FAM200B: variants seen among roughly 807,000 people sequenced by gnomAD.
The protein encoded by FAM200B is zinc finger BED-type containing 11.
A neutral mutation model predicts 33.1 loss-of-function variants in FAM200B; 32 were observed. That is an observed-to-expected ratio of 0.97 (90% confidence interval 0.73 to 1.30). FAM200B has a LOEUF of 1.30. FAM200B is among the 50% of genes most tolerant of loss of function. The probability of loss-of-function intolerance (pLI) is 0.00; values close to 1 mark genes in which losing one functional copy is unlikely to be tolerated. For synonymous variants in FAM200B, 240 were observed against 264.8 expected (o/e 0.91, Z 0.91); for missense variants, 741 against 754.0 (o/e 0.98, Z 0.20).
chr4:15,640,718 G>C, the FAM200B span: 4 of 774,214 alleles, frequency 5.2e-6, no homozygotes, highest in Non-Finnish European at 8.2e-6. Context: ...TTATTTTGAA[G>C]AGTCTCTAAA....
At chr4:15,647,712 T>C in the FAM200B span, among the ~76,000 whole-genome samples, 2 of 152,204 alleles carry the variant, frequency 1.3e-5, no homozygotes, top group Non-Finnish European at 2.9e-5. Context: ...CCAGCTAACC[T>C]AGCACAGTAG....
At chr4:15,654,570 G>T in the FAM200B span, among the ~76,000 whole-genome samples, 1 of 152,214 alleles carries the variant, frequency 6.6e-6, no homozygotes, top group Non-Finnish European at 1.5e-5. Context: ...AAGTTGCAAG[G>T]AAAACGATAA....
At chr4:15,638,660 T>C in the FAM200B span, 4 of 1,602,230 alleles carry the variant, frequency 2.5e-6, no homozygotes, top group Non-Finnish European at 3.4e-6. Flanking sequence ...AAGCTCTTCA[T>C]AGGTAAAATA....
the FAM200B span, among the ~76,000 whole-genome samples, chr4:15,647,513 A>G: frequency 3.5e-4 from 54 of 152,320 alleles, no homozygotes; most frequent in African/African-American, 1.3e-3. Context: ...ATGCCCTAAC[A>G]TGAGTTAAGA....
At chr4:15,661,623 AG>A in the FAM200B span, among the ~76,000 whole-genome samples, 6 of 152,236 alleles carry the variant, frequency 3.9e-5, no homozygotes, top group African/African-American at 1.4e-4. Flanking sequence ...GCCTTAAGCA[AG>A]ATGGGGTCTT....
chr4:15,688,992 A>C lies in FAM200B; in HGVS notation c.*41A>C. 7.5e-7 allele frequency: 1 copy of C among 1,336,412 alleles called. No homozygotes were observed. The highest frequency in any genetic ancestry group is 9.8e-7 in the Non-Finnish European group (1 of 1,022,728). 82.8% of individuals were successfully genotyped at this position (1,336,412 alleles called of 1,614,324 possible). A position where few individuals can be genotyped will look rare whatever the true frequency, so the allele number is the denominator to read the frequency against. ...CCTAGCTTTTGTCTTTGTATTTCTT[A>C]TTTTGTAGTATTTTTCTATGTTATA... On this transcript the variant is annotated 3_prime_UTR_variant, in exon 2 of 2. Transcript: ENST00000422728.
At chr4:15,640,980 G>C in the FAM200B span, 1 of 549,842 alleles carries the variant, frequency 1.8e-6, no homozygotes, top group Non-Finnish European at 3.1e-6. Flanking sequence ...AACCTCCGGG[G>C]AAAAAAAAAT....
At chr4:15,638,401 T>C in the FAM200B span, 3 of 692,370 alleles carry the variant, frequency 4.3e-6, no homozygotes, top group Middle Eastern at 3.0e-4. Flanking sequence ...CTGACCACAG[T>C]GCAGGCCTAA....
the FAM200B span, among the ~76,000 whole-genome samples, chr4:15,650,690 CAG>C: frequency 2.9e-5 from 3 of 102,950 alleles, no homozygotes; most frequent in Non-Finnish European, 5.3e-5. Context: ...TTTTTTGAGA[CAG>C]AGTCTCACTC....
chr4:15,655,888 G>C, the FAM200B span, among the ~76,000 whole-genome samples: 1 of 152,206 alleles, frequency 6.6e-6, no homozygotes, highest in South Asian at 2.1e-4. Context: ...GCCGGGCCTG[G>C]CTCCCACCCA....
chr4:15,672,310 C>T, the FAM200B span, among the ~76,000 whole-genome samples: 208 of 152,284 alleles, frequency 1.4e-3, no homozygotes, highest in Middle Eastern at 6.8e-3. Context: ...TCTCTGAGCA[C>T]GACACAATTA....
the FAM200B span, among the ~76,000 whole-genome samples, chr4:15,651,090 C>G: frequency 2.6e-5 from 4 of 152,234 alleles, no homozygotes; most frequent in South Asian, 8.3e-4. Flanking sequence ...ATTATTCCCC[C>G]AAATACATTT....
Position 15,687,806 on chromosome 4 carries a change from G to C in FAM200B, c.829G>C (p.Glu277Gln). 1.3e-6 allele frequency: 2 copies of C among 1,550,984 alleles called. No individual in the cohort carries two copies. The highest frequency in any genetic ancestry group is 1.7e-6 in the Non-Finnish European group (2 of 1,146,656). The change falls in exon 2 of 2, where the codon GAA (glutamate) becomes CAA (glutamine). Residue 277 changes from glutamate (E) to glutamine (Q), a missense_variant. Physicochemically the swap from Glu to Gln is conservative, Grantham distance 29 (BLOSUM62 2). Coordinates refer to ENST00000422728, the MANE Select transcript of FAM200B (RefSeq NM_001145191.2). ...TGGATTAGATATTTTTACAGAATTA[G>C]AAAGGCGCATAGTTGGCCAATATAA... ...LSGLDIFTEL[E>Q]RRIVGQYKLN...
the FAM200B span, chr4:15,640,944 C>T: frequency 1.1e-6 from 1 of 889,352 alleles, no homozygotes; most frequent in Non-Finnish European, 1.7e-6. Context: ...TATGTCTGGT[C>T]CCAGGAAGTT....
rs1187758080 is a variant in FAM200B, at chr4:15,690,196, A to C, written c.*1245A>C. The C allele has an allele frequency of 6.0e-6, 1 of 167,100 alleles. No individual in the cohort carries two copies. The highest frequency in any genetic ancestry group is 1.5e-5 in the Non-Finnish European group (1 of 68,118). The allele number at this position is 167,100 out of a possible 1,614,324, so 10.4% of individuals were successfully genotyped here. On this transcript the variant is annotated 3_prime_UTR_variant, in exon 2 of 2. Transcript: ENST00000422728. Reference sequence around the variant, plus strand: ...ATGTTGCTTCACGTTGCTGATGCTTAAGCAATGTATATTGTGTAATATACA... The same window carrying C: ...ATGTTGCTTCACGTTGCTGATGCTTCAGCAATGTATATTGTGTAATATACA...
chr4:15,655,431 C>G, the FAM200B span: 3 of 987,842 alleles, frequency 3.0e-6, no homozygotes, highest in African/African-American at 3.6e-5. Context: ...CCGGCGGGGA[C>G]GCGGGGGCGC....
the FAM200B span, among the ~76,000 whole-genome samples, chr4:15,667,577 T>A: frequency 2.0e-5 from 3 of 152,070 alleles, no homozygotes; most frequent in African/African-American, 7.2e-5. Flanking sequence ...AAACAGGAGA[T>A]CTTTTTAATA....
chr4:15,649,994 G>A, the FAM200B span, among the ~76,000 whole-genome samples: 1 of 152,084 alleles, frequency 6.6e-6, no homozygotes, highest in African/African-American at 2.4e-5. Context: ...TCAGATACAA[G>A]AGAGTAAATT....
At chr4:15,653,643 A>AT in the FAM200B span, among the ~76,000 whole-genome samples, 42,792 of 150,254 alleles carry the variant, frequency 0.28, 6,888 homozygotes, top group Non-Finnish European at 0.37. Flanking sequence ...TTTTGAGACC[A>AT]TTTTTTTTTT....
Sources: gnomAD v4.1 joint callset for allele counts (sites outside exome capture counted in the v4.1 genomes callset) on GRCh38, gnomAD v4.1.1 for gene constraint, MANE v1.5 for transcripts, NCBI Gene and HGNC (gene_info 2026-07-23, HGNC 2026-07-21) for gene names.